HMGA2: variants seen among roughly 807,000 people sequenced by gnomAD.
HMGA2 encodes the protein high mobility group AT-hook 2, also known as high mobility group protein HMGI-C.
In HMGA2, 8 loss-of-function variants were observed where a neutral mutation model predicts 19.1. The observed-to-expected ratio is 0.42, with a 90% CI of 0.25 to 0.76. The LOEUF (loss-of-function observed/expected upper bound fraction) is 0.76. HMGA2 is among the 30% of genes least tolerant of loss of function. The probability of loss-of-function intolerance (pLI) is 0.28; values close to 1 mark genes in which losing one functional copy is unlikely to be tolerated. For synonymous variants in HMGA2, 60 were observed against 48.8 expected (o/e 1.23, Z -0.96); for missense variants, 109 against 136.3 (o/e 0.80, Z 1.00).
intron 3 of HMGA2, among the ~76,000 whole-genome samples, chr12:65,844,726 A>C (rs565913889): frequency 5.3e-5 from 8 of 152,298 alleles, no homozygotes; most frequent in African/African-American, 1.9e-4. Flanking sequence ...CCTCTACCAG[A>C]CCCTAACCAT....
chr12:65,834,110 C>G (rs1592373691), intron 2 of HMGA2, among the ~76,000 whole-genome samples: 1 of 152,114 alleles, frequency 6.6e-6, no homozygotes, highest in Non-Finnish European at 1.5e-5. Flanking sequence ...AATGGTAGCA[C>G]CTGGGTTTGA....
intron 3 of HMGA2, among the ~76,000 whole-genome samples, chr12:65,844,626 T>C (rs1871157201): frequency 6.6e-6 from 1 of 152,246 alleles, no homozygotes. Context: ...GTGCTATTCT[T>C]AATTATTCTG....
intron 3 of HMGA2, among the ~76,000 whole-genome samples, chr12:65,929,256 T>A (rs1336014534): frequency 6.6e-6 from 1 of 152,142 alleles, no homozygotes; most frequent in East Asian, 1.9e-4. Context: ...TAGTTCAGTG[T>A]TGCAGCCTTC....
At chr12:65,899,683 C>A (rs947426583) in intron 3 of HMGA2, among the ~76,000 whole-genome samples, 22 of 152,306 alleles carry the variant, frequency 1.4e-4, no homozygotes, top group African/African-American at 4.3e-4. Context: ...ATGGTCTGCA[C>A]CCTTCAGGAT....
chr12:65,865,703 C>T (rs1278788948), intron 3 of HMGA2, among the ~76,000 whole-genome samples: 5 of 148,110 alleles, frequency 3.4e-5, no homozygotes, highest in African/African-American at 1.0e-4. Flanking sequence ...GGCTCAATCT[C>T]GGCTCACTGC....
intron 3 of HMGA2, among the ~76,000 whole-genome samples, chr12:65,839,295 C>T (rs145764427): frequency 1.3e-5 from 2 of 152,096 alleles, no homozygotes; most frequent in African/African-American, 4.8e-5. Context: ...TGCTGTGTTA[C>T]CCATGTTCTT....
intron 3 of HMGA2, among the ~76,000 whole-genome samples, chr12:65,894,796 G>C (rs1208553442): frequency 6.6e-6 from 1 of 152,178 alleles, no homozygotes; most frequent in Non-Finnish European, 1.5e-5. Flanking sequence ...CTCTTAGAAA[G>C]GGCAAAGTTG....
chr12:65,893,352 G>T (rs1012064553), intron 3 of HMGA2, among the ~76,000 whole-genome samples: 9 of 152,136 alleles, frequency 5.9e-5, no homozygotes, highest in Admixed American at 5.9e-4. Flanking sequence ...ATTCAACAAG[G>T]CCAAATGGAT....
intron 2 of HMGA2, among the ~76,000 whole-genome samples, chr12:65,829,371 A>C (rs557133348): frequency 2.6e-5 from 4 of 152,236 alleles, no homozygotes; most frequent in African/African-American, 7.2e-5. Context: ...TAACCTTGTT[A>C]TTTAAAAATG....
At chr12:65,830,615 G>T (rs1870436617) in intron 2 of HMGA2, 2 of 151,834 alleles carry the variant, frequency 1.3e-5, no homozygotes, top group Admixed American at 1.3e-4. Flanking sequence ...AAAATTTCTT[G>T]CTGCTTGGAG....
chr12:65,844,474 A>C (rs750734313), intron 3 of HMGA2, among the ~76,000 whole-genome samples: 16 of 152,238 alleles, frequency 1.1e-4, no homozygotes, highest in Non-Finnish European at 2.2e-4. Context: ...AGTTTACCAC[A>C]AAATTCACTA....
At chr12:65,920,540 G>A (rs1210677939) in intron 3 of HMGA2, among the ~76,000 whole-genome samples, 1 of 152,122 alleles carries the variant, frequency 6.6e-6, no homozygotes, top group Non-Finnish European at 1.5e-5. Context: ...CCATGTGTTA[G>A]GGGAGGGACT....
chr12:65,850,391 G>T (rs1204841152), intron 3 of HMGA2, among the ~76,000 whole-genome samples: 1 of 152,040 alleles, frequency 6.6e-6, no homozygotes, highest in Non-Finnish European at 1.5e-5. Context: ...GTACTGCATT[G>T]TTTCCTGCTA....
chr12:65,831,592 A>G (rs1313774776), intron 2 of HMGA2, among the ~76,000 whole-genome samples: 2 of 151,894 alleles, frequency 1.3e-5, no homozygotes, highest in Non-Finnish European at 3.0e-5. Context: ...TAAAGTAGTT[A>G]TAGTTAAAAT....
At chr12:65,839,059 TTG>T (rs1462302314) in intron 3 of HMGA2, among the ~76,000 whole-genome samples, 1 of 150,672 alleles carries the variant, frequency 6.6e-6, no homozygotes, top group South Asian at 2.2e-4. Flanking sequence ...TCTAGATGGT[TTG>T]TGTTTTCTTT....
chr12:65,924,690 C>T (rs1167321374), intron 3 of HMGA2, among the ~76,000 whole-genome samples: 1 of 152,088 alleles, frequency 6.6e-6, no homozygotes, highest in East Asian at 1.9e-4. Flanking sequence ...CCCACCTACT[C>T]AGGAGGCTGA....
chr12:65,889,546 A>C (rs1266845583), intron 3 of HMGA2, among the ~76,000 whole-genome samples: 1 of 152,242 alleles, frequency 6.6e-6, no homozygotes, highest in Non-Finnish European at 1.5e-5. Context: ...CACAGTACAC[A>C]AAAGGCCAAC....
At chr12:65,961,835 T>C (rs1876761255) in intron 4 of HMGA2, among the ~76,000 whole-genome samples, 1 of 152,224 alleles carries the variant, frequency 6.6e-6, no homozygotes, top group Admixed American at 6.5e-5. Context: ...TTGCTGCTTT[T>C]ACGCAAAAGC....
chr12:65,879,221 A>G lies in HMGA2; in HGVS notation c.249+40652A>G, dbSNP rs538886823. ...CGGCTCACTGCTGCCTTGATTTCCC[A>G]GGCTCTGGTGGTCCTCCCTTCTCAG... On this transcript the variant is annotated intron_variant, in intron 3 of 4. Coordinates refer to ENST00000403681, the MANE Select transcript of HMGA2 (RefSeq NM_003483.6). 5.3e-5 allele frequency among the ~76,000 whole-genome samples: 8 copies of G among 151,934 alleles called. No individual in the cohort carries two copies. The South Asian group carries it at 1.0e-3, about 20-fold the overall frequency.
Sources: allele counts gnomAD v4.1 joint callset (sites outside exome capture counted in the v4.1 genomes callset), GRCh38; gene constraint gnomAD v4.1.1; transcripts MANE v1.5; gene names NCBI Gene and HGNC (gene_info 2026-07-23, HGNC 2026-07-21).